Variants in TMEM178B observed in about 807,000 individuals in gnomAD.
TMEM178B encodes the protein transmembrane protein 178B.
Under a neutral mutation model 31.0 loss-of-function variants are expected in TMEM178B, and 5 were observed. The observed-to-expected ratio is 0.16, with a 90% confidence interval of 0.08 to 0.34. The LOEUF (loss-of-function observed/expected upper bound fraction) is 0.34. Among genes scored for constraint, TMEM178B ranks in the 10% least tolerant of loss-of-function variants. The pLI is 1.00. For missense variants in TMEM178B, 275 were observed against 400.3 expected (o/e 0.69, Z 2.67); for synonymous variants, 164 against 164.0 (o/e 1.00, Z 0.00).
intron 1 of TMEM178B, among the ~76,000 whole-genome samples, chr7:141,144,929 G>T (rs1438951124): frequency 6.6e-6 from 1 of 152,176 alleles, no homozygotes; most frequent in Non-Finnish European, 1.5e-5. Context: ...CAACTTGGGT[G>T]GGGAGGATGG....
intron 3 of TMEM178B, among the ~76,000 whole-genome samples, chr7:141,457,892 G>A (rs974505856): frequency 2.6e-5 from 4 of 152,136 alleles, no homozygotes; most frequent in Non-Finnish European, 4.4e-5. Context: ...CACATTAAGT[G>A]GTCAAAGCCA....
chr7:141,273,861 T>C (rs1798225013), intron 2 of TMEM178B, among the ~76,000 whole-genome samples: 1 of 152,228 alleles, frequency 6.6e-6, no homozygotes, highest in African/African-American at 2.4e-5. Context: ...TGTGGACATA[T>C]GTTTGGATGT....
chr7:141,079,645 A>C (rs1794652412), intron 1 of TMEM178B, among the ~76,000 whole-genome samples: 1 of 152,194 alleles, frequency 6.6e-6, no homozygotes. Flanking sequence ...CAGAATTCTC[A>C]CAAGCTTCTC....
chr7:141,216,005 A>G (rs553468275), intron 2 of TMEM178B, among the ~76,000 whole-genome samples: 1 of 140,300 alleles, frequency 7.1e-6, no homozygotes, highest in Non-Finnish European at 1.5e-5. Flanking sequence ...TAATTTTTGT[A>G]TTTTCAGTAG....
At chr7:141,434,695 C>T (rs772871286) in intron 2 of TMEM178B, among the ~76,000 whole-genome samples, 1 of 152,076 alleles carries the variant, frequency 6.6e-6, no homozygotes, top group African/African-American at 2.4e-5. Context: ...CTGTAGTTAC[C>T]CTACTCTGCT....
intron 1 of TMEM178B, among the ~76,000 whole-genome samples, chr7:141,188,094 T>G (rs1465398938): frequency 1.3e-5 from 2 of 152,234 alleles, no homozygotes; most frequent in African/African-American, 4.8e-5. Context: ...TTTAAGTCTT[T>G]AATCCATCTT....
intron 2 of TMEM178B, among the ~76,000 whole-genome samples, chr7:141,240,189 C>A (rs1236285987): frequency 1.3e-5 from 2 of 152,070 alleles, no homozygotes; most frequent in African/African-American, 4.8e-5. Flanking sequence ...TTGGATAGTT[C>A]TAGAGTACAA....
At chr7:141,470,096 T>C (rs1305340438) in intron 3 of TMEM178B, among the ~76,000 whole-genome samples, 1 of 152,236 alleles carries the variant, frequency 6.6e-6, no homozygotes, top group East Asian at 1.9e-4. Context: ...TAAGTTGTTA[T>C]GTATAAGAAA....
At chr7:141,166,065 C>T (rs1271379010) in intron 1 of TMEM178B, among the ~76,000 whole-genome samples, 1 of 152,156 alleles carries the variant, frequency 6.6e-6, no homozygotes, top group African/African-American at 2.4e-5. Flanking sequence ...GGGTGCTGTT[C>T]CTGAGGAAGA....
At chr7:141,397,706 A>G (rs1245039713) in intron 2 of TMEM178B, among the ~76,000 whole-genome samples, 1 of 152,158 alleles carries the variant, frequency 6.6e-6, no homozygotes, top group Non-Finnish European at 1.5e-5. Flanking sequence ...TTCTCACCCC[A>G]AGTCTGATTA....
At chr7:141,378,260 T>A (rs1800254923) in intron 2 of TMEM178B, among the ~76,000 whole-genome samples, 1 of 152,210 alleles carries the variant, frequency 6.6e-6, no homozygotes, top group Admixed American at 6.5e-5. Context: ...GATATCGACA[T>A]GACTTATTGC....
intron 3 of TMEM178B, among the ~76,000 whole-genome samples, chr7:141,444,733 G>A (rs1332594009): frequency 1.3e-5 from 2 of 152,112 alleles, no homozygotes; most frequent in Admixed American, 6.5e-5. Context: ...GCAGATGAGA[G>A]CTGGAGCCCA....
chr7:141,271,776 G>A (rs1321632589), intron 2 of TMEM178B, among the ~76,000 whole-genome samples: 8 of 152,312 alleles, frequency 5.3e-5, no homozygotes, highest in African/African-American at 1.2e-4. Flanking sequence ...GCTGCCTAGT[G>A]CTTCACTTGT....
the TMEM178B span, among the ~76,000 whole-genome samples, chr7:141,493,735 T>A: frequency 6.6e-6 from 1 of 152,224 alleles, no homozygotes; most frequent in Non-Finnish European, 1.5e-5. Flanking sequence ...TTAGTAATAT[T>A]TTTGCTTTCC....
At position 141,350,053 on chromosome 7, in the gene TMEM178B, A is replaced by G. The variant is rs1226002967; in HGVS notation, c.497-87555A>G. 4.6e-5 allele frequency among the ~76,000 whole-genome samples: 7 copies of G among 152,018 alleles called. 1 individual carries two copies. The East Asian group carries it at 1.4e-3, about 29-fold the overall frequency. On this transcript the variant is annotated intron_variant, in intron 2 of 3. Coordinates refer to ENST00000565468, the MANE Select transcript of TMEM178B (RefSeq NM_001195278.2). ...CATCCATCCATCTATCCATCCATCTAGTAAGATTGAGTGCCTCCTATATGC... is the reference window on the plus strand; with the variant it reads ...CATCCATCCATCTATCCATCCATCTGGTAAGATTGAGTGCCTCCTATATGC...
At chr7:141,417,290 G>C (rs1475068072) in intron 2 of TMEM178B, among the ~76,000 whole-genome samples, 1 of 152,204 alleles carries the variant, frequency 6.6e-6, no homozygotes, top group African/African-American at 2.4e-5. Flanking sequence ...AAAAAATGCA[G>C]CCTCTGTTCT....
intron 2 of TMEM178B, among the ~76,000 whole-genome samples, chr7:141,357,629 A>G (rs1799843087): frequency 6.6e-6 from 1 of 152,208 alleles, no homozygotes; most frequent in South Asian, 2.1e-4. Context: ...ATATTTTCAT[A>G]TCATGTTATA....
At chr7:141,288,053 G>T (rs959635507) in intron 2 of TMEM178B, among the ~76,000 whole-genome samples, 1 of 152,128 alleles carries the variant, frequency 6.6e-6, no homozygotes, top group African/African-American at 2.4e-5. Flanking sequence ...CAGCCCTGCT[G>T]ACAGATGCCC....
At chr7:141,157,237 C>T (rs988630152) in intron 1 of TMEM178B, among the ~76,000 whole-genome samples, 1 of 152,100 alleles carries the variant, frequency 6.6e-6, no homozygotes, top group African/African-American at 2.4e-5. Flanking sequence ...TACCAAGTCT[C>T]ATGGTGATTT....
Sources: allele counts gnomAD v4.1 joint callset (sites outside exome capture counted in the v4.1 genomes callset), GRCh38; gene constraint gnomAD v4.1.1; transcripts MANE v1.5; gene names NCBI Gene and HGNC (gene_info 2026-07-23, HGNC 2026-07-21).